Variants in ZNF793 observed in about 807,000 individuals in gnomAD.
ZNF793 encodes zinc finger protein 793.
A neutral mutation model predicts 12.4 loss-of-function variants in ZNF793; 5 were observed. The observed-to-expected ratio is 0.40, with a 90% CI of 0.21 to 0.84. The LOEUF (loss-of-function observed/expected upper bound fraction) is 0.84, where lower values mean the gene tolerates loss of function less well. Among genes scored for constraint, ZNF793 ranks in the 40% least tolerant of loss-of-function variants. The probability of loss-of-function intolerance (pLI) is 0.35; values close to 1 mark genes in which losing one functional copy is unlikely to be tolerated. For missense variants in ZNF793, 456 were observed against 495.0 expected (o/e 0.92, Z 0.75); for synonymous variants, 162 against 172.4 (o/e 0.94, Z 0.47).
In ZNF793 at chr19:37,542,540, G is replaced by A. The variant is rs1408715745; in HGVS notation, c.*4661G>A. 5.9e-6 allele frequency: 2 copies of A among 339,820 alleles called. No individual in the cohort carries two copies. Among genetic ancestry groups the A allele is most frequent in the East Asian group, 7.8e-5 (1 of 12,746 alleles). The allele number at this position is 339,820 out of a possible 1,614,324, so 21.1% of individuals were successfully genotyped here. On this transcript the variant is annotated 3_prime_UTR_variant, in exon 8 of 8. Transcript: ENST00000627814. ...TTTATTGTAAAAATTGTTCTTAATG[G>A]CAAAAAAACCCCCAAAACCAAAGCA...
At chr19:37,524,988 C>T (rs1233582452) in intron 5 of ZNF793, among the ~76,000 whole-genome samples, 2 of 152,146 alleles carry the variant, frequency 1.3e-5, no homozygotes, top group Non-Finnish European at 2.9e-5. Flanking sequence ...AGTGCTAGCT[C>T]CCCAATGATA....
Position 37,537,706 on chromosome 19 carries a change from C to G in ZNF793, c.1048C>G (p.Gln350Glu). The change falls in exon 8 of 8, where the codon CAG becomes GAG. Residue 350 changes from glutamine (Q) to glutamate (E), a missense_variant. By Grantham distance (29) the Gln-to-Glu change is conservative. Coordinates refer to ENST00000627814, the MANE Select transcript of ZNF793 (RefSeq NM_001013659.3). ...RCRECGKSFS[Q>E]KSCLNKHWRT... ...CAGAGAATGTGGAAAATCCTTCAGC[C>G]AGAAGTCATGCCTCAATAAACATTG... 6.2e-7 allele frequency: 1 copy of G among 1,613,662 alleles called. No individual in the cohort carries two copies. Among genetic ancestry groups the G allele is most frequent in the Non-Finnish European group, 8.5e-7 (1 of 1,179,714 alleles).
chr19:37,537,220 C>T lies in ZNF793; in HGVS notation c.562C>T (p.Arg188Trp), dbSNP rs376403589. Residue 188 changes from arginine (R) to tryptophan (W), a missense_variant, in exon 8 of 8, where the codon CGG (arginine) becomes TGG (tryptophan). Coordinates refer to ENST00000627814, the MANE Select transcript of ZNF793 (RefSeq NM_001013659.3). ...HGRRPNGEKP[R>W]GCSHCEKAFT... Reference sequence around the variant, plus strand: ...TAGACGACCTAATGGAGAAAAGCCCCGGGGTTGCAGTCACTGTGAGAAAGC... The same window carrying T: ...TAGACGACCTAATGGAGAAAAGCCCTGGGGTTGCAGTCACTGTGAGAAAGC... The T allele has an allele frequency of 8.9e-5, 143 of 1,613,674 alleles. No homozygotes were observed. The highest frequency in any genetic ancestry group is 3.8e-4 in the South Asian group (35 of 91,054).
At chr19:37,523,344 C>A in intron 4 of ZNF793, 66 bp from the exon 5 acceptor site, 2 of 1,292,372 alleles carry the variant, frequency 1.5e-6, no homozygotes, top group Non-Finnish European at 2.2e-6. Flanking sequence ...CCAAGACAGG[C>A]CTAGCTCTTT....
At chr19:37,523,172 A>G (rs1442785290) in intron 4 of ZNF793, among the ~76,000 whole-genome samples, 1 of 152,004 alleles carries the variant, frequency 6.6e-6, no homozygotes, top group African/African-American at 2.4e-5. Flanking sequence ...TAGGTGTGCA[A>G]CACCATACCT....
chr19:37,518,794 T>TA (rs11424146), intron 2 of ZNF793, among the ~76,000 whole-genome samples: 152,056 of 152,060 alleles, frequency 1, 76,026 homozygotes, highest in Middle Eastern at 1. Flanking sequence ...AAGAAATAGA[T>TA]AATGAAAAAA....
chr19:37,508,029 G>A (rs185936857), intron 1 of ZNF793, among the ~76,000 whole-genome samples: 334 of 152,254 alleles, frequency 2.2e-3, no homozygotes, highest in South Asian at 8.7e-3. Context: ...CTGCATAGCG[G>A]GAACACATTT....
chr19:37,530,418 A>G lies in ZNF793; in HGVS notation c.16-1938A>G, dbSNP rs540187495. On this transcript the variant is annotated intron_variant, in intron 5 of 7. Coordinates refer to ENST00000627814, the MANE Select transcript of ZNF793 (RefSeq NM_001013659.3). ...ACGAGGCCGTATTTCAGACTATCACATGGGGAGAAACCTTGGACAATACCT... is the reference window on the plus strand; with the variant it reads ...ACGAGGCCGTATTTCAGACTATCACGTGGGGAGAAACCTTGGACAATACCT... Among the ~76,000 whole-genome samples the G allele has an allele frequency of 4.6e-5, 7 of 152,156 alleles. 1 individual carries two copies. The South Asian group carries it at 1.2e-3, about 27-fold the overall frequency.
chr19:37,519,159 G>A (rs1246212318), intron 2 of ZNF793, among the ~76,000 whole-genome samples: 1 of 152,068 alleles, frequency 6.6e-6, no homozygotes, highest in African/African-American at 2.4e-5. Flanking sequence ...CCAGCTACTC[G>A]GGAGGCTGAG....
At chr19:37,536,728 T>C (rs2042507648) in intron 7 of ZNF793, 169 bp from the exon 8 acceptor site, 1 of 662,386 alleles carries the variant, frequency 1.5e-6, no homozygotes, top group South Asian at 2.3e-5. Context: ...TGAATTCCAT[T>C]TGTGCCAGTG....
rs2042540577 is a variant in ZNF793, at chr19:37,539,932, T to A, written c.*2053T>A. 1.3e-5 allele frequency: 2 copies of A among 152,162 alleles called. No homozygotes were observed. Among genetic ancestry groups the A allele is most frequent in the Non-Finnish European group, 2.9e-5 (2 of 68,030 alleles). 9.4% of individuals were successfully genotyped at this position (152,162 alleles called of 1,614,324 possible). A position where few individuals can be genotyped will look rare whatever the true frequency, so the allele number is the denominator to read the frequency against. ...AATACAATCCATGAACTGTACTCAT[T>A]TATTTTATTAAGTCAGAATAAATTT... is the stretch of plus-strand genomic sequence containing the variant. On this transcript the variant is annotated 3_prime_UTR_variant, in exon 8 of 8. Transcript: ENST00000627814.
At chr19:37,530,269 A>G (rs2042448287) in intron 5 of ZNF793, among the ~76,000 whole-genome samples, 1 of 152,144 alleles carries the variant, frequency 6.6e-6, no homozygotes, top group Non-Finnish European at 1.5e-5. Context: ...AGGGACGGGC[A>G]GGAGACAGAT....
At chr19:37,530,848 G>A (rs1253126716) in intron 5 of ZNF793, among the ~76,000 whole-genome samples, 1 of 152,018 alleles carries the variant, frequency 6.6e-6, no homozygotes, top group Non-Finnish European at 1.5e-5. Context: ...TCATTTTAGT[G>A]TCTGTTTTCT....
chr19:37,512,283 G>A (rs923526416), intron 2 of ZNF793, among the ~76,000 whole-genome samples: 3 of 152,112 alleles, frequency 2.0e-5, no homozygotes, highest in Non-Finnish European at 4.4e-5. Flanking sequence ...TTGGGAGGCC[G>A]AGGTGGGTGG....
chr19:37,526,378 G>T (rs2042416330), intron 5 of ZNF793, among the ~76,000 whole-genome samples: 1 of 152,144 alleles, frequency 6.6e-6, no homozygotes, highest in Non-Finnish European at 1.5e-5. Flanking sequence ...CTCCCAAAGT[G>T]CTGGGATTAC....
At chr19:37,512,724 C>A (rs1219799793) in intron 2 of ZNF793, among the ~76,000 whole-genome samples, 1 of 152,020 alleles carries the variant, frequency 6.6e-6, no homozygotes, top group Non-Finnish European at 1.5e-5. Flanking sequence ...AATTAACTAA[C>A]CACAATATAA....
At chr19:37,535,264 T>C (rs2042495933) in intron 7 of ZNF793, 1 of 152,270 alleles carries the variant, frequency 6.6e-6, no homozygotes, top group African/African-American at 2.4e-5. Context: ...AGTGCTGGGA[T>C]TACTGGCGTG....
intron 6 of ZNF793, 55 bp from the exon 7 acceptor site, chr19:37,533,253 G>A: frequency 2.0e-6 from 3 of 1,480,350 alleles, no homozygotes; most frequent in Non-Finnish European, 2.8e-6. Flanking sequence ...CTGCCTGAGA[G>A]GCCCTGAAGA....
At chr19:37,524,457 A>C (rs181870451) in intron 5 of ZNF793, among the ~76,000 whole-genome samples, 30 of 152,298 alleles carry the variant, frequency 2.0e-4, no homozygotes, top group Admixed American at 1.9e-3. Flanking sequence ...TGCAAGGAAC[A>C]TTCTCTTTTG....
Sources: gnomAD v4.1 joint callset for allele counts (sites outside exome capture counted in the v4.1 genomes callset) on GRCh38, gnomAD v4.1.1 for gene constraint, MANE v1.5 for transcripts, NCBI Gene and HGNC (gene_info 2026-07-23, HGNC 2026-07-21) for gene names.